MMP16: variants seen among roughly 807,000 people sequenced by gnomAD.
The protein encoded by MMP16 is matrix metallopeptidase 16, also known as matrix metalloproteinase-16.
Under a neutral mutation model 67.8 loss-of-function variants are expected in MMP16, and 12 were observed. The observed-to-expected ratio is 0.18, with a 90% CI of 0.11 to 0.29. The LOEUF (loss-of-function observed/expected upper bound fraction) is 0.29, where lower values mean the gene tolerates loss of function less well. Ranked by LOEUF, MMP16 falls within the 10% of genes least tolerant of loss-of-function variation. The pLI, the probability that MMP16 is intolerant of heterozygous loss-of-function variation, is 1.00. For synonymous variants in MMP16, 249 were observed against 255.9 expected (o/e 0.97, Z 0.26); for missense variants, 475 against 765.7 (o/e 0.62, Z 4.48).
rs1586117926 is a variant in MMP16, at chr8:88,041,290, G to A, written c.*171C>T. 6 of 626,052 alleles carry A rather than the reference G, an allele frequency of 9.6e-6. No individual in the cohort carries two copies. The South Asian group carries it at 9.9e-5, about 10-fold the overall frequency. 38.8% of individuals were successfully genotyped at this position (626,052 alleles called of 1,614,324 possible). On this transcript the variant is annotated 3_prime_UTR_variant, in exon 10 of 10. Coordinates refer to ENST00000286614, the MANE Select transcript of MMP16 (RefSeq NM_005941.5). The surrounding 1 kb of genome is among the most constrained non-coding windows in gnomAD (Gnocchi z 6.0). ...GTGCATCATGGAAGCTTCCCCATGA[G>A]TGTATTTCCACTCATGTGCAGGACC...
At chr8:88,266,387 A>G (rs1810476971) in intron 1 of MMP16, among the ~76,000 whole-genome samples, 1 of 152,216 alleles carries the variant, frequency 6.6e-6, no homozygotes, top group South Asian at 2.1e-4. Context: ...CTTCAAGTTC[A>G]GGTTCAATAA....
At chr8:88,241,175 C>T (rs1428976434) in intron 1 of MMP16, among the ~76,000 whole-genome samples, 3 of 151,750 alleles carry the variant, frequency 2.0e-5, no homozygotes, top group Non-Finnish European at 4.4e-5. Flanking sequence ...AAAAAAGTAC[C>T]ACTTCTGTTG....
intron 1 of MMP16, among the ~76,000 whole-genome samples, chr8:88,211,044 A>G (rs1040843425): frequency 6.6e-6 from 1 of 152,146 alleles, no homozygotes; most frequent in African/African-American, 2.4e-5. Context: ...GGCAATATCT[A>G]TGGATACAAG....
At chr8:88,088,046 ATCTAT>A (rs1162530903) in intron 6 of MMP16, among the ~76,000 whole-genome samples, 4 of 99,578 alleles carry the variant, frequency 4.0e-5, no homozygotes, top group African/African-American at 8.4e-5. Context: ...ATATATAGAT[ATCTAT>A]TATATCTATA....
chr8:88,249,355 T>C (rs1563573710), intron 1 of MMP16, among the ~76,000 whole-genome samples: 1 of 152,186 alleles, frequency 6.6e-6, no homozygotes, highest in East Asian at 1.9e-4. Flanking sequence ...CTGCCAGCTT[T>C]GTAACTGGCT....
intron 6 of MMP16, among the ~76,000 whole-genome samples, chr8:88,101,739 T>C (rs1228437087): frequency 6.6e-6 from 1 of 151,928 alleles, no homozygotes; most frequent in African/African-American, 2.4e-5. Flanking sequence ...AAGAATATGA[T>C]GTACCATTCT....
chr8:88,282,492 CAAAT>C (rs1563583176), intron 1 of MMP16, among the ~76,000 whole-genome samples: 2 of 152,168 alleles, frequency 1.3e-5, no homozygotes, highest in Admixed American at 6.5e-5. Context: ...ATATTAAAAA[CAAAT>C]AATGTTGAGT....
At chr8:88,102,858 T>G (rs1397947028) in intron 6 of MMP16, among the ~76,000 whole-genome samples, 1 of 151,882 alleles carries the variant, frequency 6.6e-6, no homozygotes, top group Non-Finnish European at 1.5e-5. Context: ...TCTTCACTCT[T>G]GCCTTTTGGG....
At chr8:88,211,085 C>A (rs1197151945) in intron 1 of MMP16, among the ~76,000 whole-genome samples, 1 of 152,056 alleles carries the variant, frequency 6.6e-6, no homozygotes, top group African/African-American at 2.4e-5. Context: ...AGCTCTTGCT[C>A]TTAACAACTT....
chr8:88,184,796 C>CATGT (rs1809047783), intron 3 of MMP16, among the ~76,000 whole-genome samples: 1 of 127,056 alleles, frequency 7.9e-6, no homozygotes, highest in South Asian at 2.4e-4. Context: ...AAAAAGAATC[C>CATGT]ATGTTTTCCT....
At chr8:88,071,691 T>C (rs900159393) in intron 7 of MMP16, among the ~76,000 whole-genome samples, 5 of 152,178 alleles carry the variant, frequency 3.3e-5, no homozygotes, top group African/African-American at 1.2e-4. Flanking sequence ...TTGAATCTTA[T>C]TCTTGGTTCA....
chr8:88,119,219 C>T (rs926008164), intron 4 of MMP16, among the ~76,000 whole-genome samples: 1 of 152,010 alleles, frequency 6.6e-6, no homozygotes, highest in African/African-American at 2.4e-5. Context: ...ATATGTCTCA[C>T]ATTTAATATG....
At chr8:88,273,488 TATATC>T (rs1810599104) in intron 1 of MMP16, among the ~76,000 whole-genome samples, 1 of 152,288 alleles carries the variant, frequency 6.6e-6, no homozygotes, top group African/African-American at 2.4e-5. Context: ...CACAGAGTGA[TATATC>T]ATATATCAAT....
intron 1 of MMP16, among the ~76,000 whole-genome samples, chr8:88,223,947 A>T (rs957867418): frequency 6.6e-6 from 1 of 151,926 alleles, no homozygotes. Context: ...AGTGAGAATG[A>T]CCTCTAGGAA....
chr8:88,124,525 C>T (rs16878818), intron 4 of MMP16, among the ~76,000 whole-genome samples: 11,471 of 151,884 alleles, frequency 0.076, 457 homozygotes, highest in South Asian at 0.11. Context: ...CCACTTTTTC[C>T]GTAGCCCTAA....
At chr8:88,149,075 T>G (rs1354489629) in intron 4 of MMP16, among the ~76,000 whole-genome samples, 1 of 152,188 alleles carries the variant, frequency 6.6e-6, no homozygotes, top group Non-Finnish European at 1.5e-5. Flanking sequence ...GGGAGTTCCC[T>G]TTCTGAGTCA....
At chr8:88,223,704 G>T (rs943531817) in intron 1 of MMP16, among the ~76,000 whole-genome samples, 5 of 98,406 alleles carry the variant, frequency 5.1e-5, no homozygotes, top group African/African-American at 1.6e-4. Flanking sequence ...GGTGGGGGGA[G>T]GGGGGAGGGA....
intron 5 of MMP16, 133 bp downstream of exon 5, chr8:88,118,567 C>T: frequency 1.3e-6 from 1 of 754,364 alleles, no homozygotes; most frequent in Non-Finnish European, 2.1e-6. Flanking sequence ...AATAATTTTG[C>T]CAGTAGGCCA....
At chr8:88,157,551 C>T (rs12334533) in intron 4 of MMP16, among the ~76,000 whole-genome samples, 28,832 of 151,774 alleles carry the variant, frequency 0.19, 3,121 homozygotes, top group Middle Eastern at 0.25. Context: ...GCTAAGCCTT[C>T]ATTATTCTTG....
Sources: gnomAD v4.1 joint callset for allele counts (sites outside exome capture counted in the v4.1 genomes callset) on GRCh38, gnomAD v4.1.1 for gene constraint, Gnocchi (gnomAD v3.1) non-coding constraint, MANE v1.5 for transcripts, NCBI Gene and HGNC (gene_info 2026-07-23, HGNC 2026-07-21) for gene names.